The following ARHGAP22 variants were observed in gnomAD, a reference collection of about 807,000 sequenced individuals.
ARHGAP22 encodes the protein rho GTPase-activating protein 22.
A neutral mutation model predicts 59.1 loss-of-function variants in ARHGAP22; 48 were observed. The ratio of observed to expected loss-of-function variants is 0.81; its 90% CI spans 0.64 to 1.03. ARHGAP22 has a LOEUF of 1.03. Among genes scored for constraint, ARHGAP22 ranks in the 50% least tolerant of loss-of-function variants. The pLI is 0.00. For synonymous variants in ARHGAP22, 445 were observed against 416.4 expected (o/e 1.07, Z -0.84); for missense variants, 1,015 against 958.7 (o/e 1.06, Z -0.78).
At chr10:48,508,315 C>G (rs995292228) in intron 3 of ARHGAP22, among the ~76,000 whole-genome samples, 1 of 152,234 alleles carries the variant, frequency 6.6e-6, no homozygotes, top group Admixed American at 6.5e-5. Flanking sequence ...CCAGCTGTTA[C>G]TGGGGACATG....
At chr10:48,522,196 C>T (rs1349615509) in intron 3 of ARHGAP22, among the ~76,000 whole-genome samples, 2 of 152,240 alleles carry the variant, frequency 1.3e-5, no homozygotes, top group African/African-American at 4.8e-5. Context: ...TCCACTCTGG[C>T]ACCACAGCGC....
At chr10:48,643,438 T>C (rs902026137) in intron 1 of ARHGAP22, among the ~76,000 whole-genome samples, 7 of 152,078 alleles carry the variant, frequency 4.6e-5, no homozygotes, top group African/African-American at 1.7e-4. Context: ...AAAGGATGAG[T>C]TCATGTCCTT....
chr10:48,444,466 T>C (rs1364891069), downstream of ARHGAP22: 1 of 152,238 alleles, frequency 6.6e-6, no homozygotes, highest in African/African-American at 2.4e-5. Context: ...GAGATAAGAA[T>C]GCCATTTGCA....
chr10:48,451,747 C>T, intron 8 of ARHGAP22: 1 of 589,518 alleles, frequency 1.7e-6, no homozygotes, highest in East Asian at 2.8e-5. Flanking sequence ...AATGCACCCA[C>T]CCAGCCTCCC....
intron 1 of ARHGAP22, among the ~76,000 whole-genome samples, chr10:48,628,823 T>C (rs2136081297): frequency 6.6e-6 from 1 of 152,182 alleles, no homozygotes; most frequent in South Asian, 2.1e-4. Context: ...CACAGTGACA[T>C]ATCTTGCAGT....
At chr10:48,526,864 G>C (rs2054371756) in intron 3 of ARHGAP22, among the ~76,000 whole-genome samples, 1 of 152,238 alleles carries the variant, frequency 6.6e-6, no homozygotes, top group African/African-American at 2.4e-5. Context: ...CAGTTCAGCA[G>C]ACAAATAGGA....
In ARHGAP22 at chr10:48,566,414, T is replaced by C. The variant is rs538302497; in HGVS notation, c.235-10864A>G. On this transcript the variant is annotated intron_variant, in intron 2 of 9. Transcript: ENST00000249601. ...TCCTTGCTTCCTTATCACACAAGCC[T>C]GTAACCATGCCCCATGACTGTCCAG... Among the ~76,000 whole-genome samples the C allele has an allele frequency of 2.0e-5, 3 of 152,296 alleles. No homozygotes were observed. The East Asian group carries it at 5.8e-4, about 29-fold the overall frequency.
chr10:48,567,845 G>A (rs1376389367), intron 2 of ARHGAP22, among the ~76,000 whole-genome samples: 1 of 152,010 alleles, frequency 6.6e-6, no homozygotes, highest in African/African-American at 2.4e-5. Context: ...CTTCTATTAT[G>A]TTTAGCTGCT....
chr10:48,532,151 G>A (rs2054907630), intron 3 of ARHGAP22, among the ~76,000 whole-genome samples: 1 of 152,296 alleles, frequency 6.6e-6, no homozygotes, highest in South Asian at 2.1e-4. Context: ...ATCTACAGGT[G>A]AGGATATGGA....
At chr10:48,548,661 T>C (rs1291464971) in intron 3 of ARHGAP22, among the ~76,000 whole-genome samples, 1 of 152,198 alleles carries the variant, frequency 6.6e-6, no homozygotes, top group East Asian at 1.9e-4. Context: ...AGGCCTAAAC[T>C]TGGCCTGGGG....
chr10:48,575,891 C>T (rs1475667806), intron 2 of ARHGAP22, among the ~76,000 whole-genome samples: 1 of 152,186 alleles, frequency 6.6e-6, no homozygotes, highest in Non-Finnish European at 1.5e-5. Flanking sequence ...GAACACCAGC[C>T]CCATCTAAGT....
chr10:48,555,485 C>T lies in ARHGAP22; in HGVS notation c.300G>A (p.Lys100=), dbSNP rs765211171. ...TACCTGGGCTGATCTCAAAGAGGTG[C>T]TTCCCTGGGTCCTCGGGGCCAGGAG... ...ELPPGPEDPG[K]HLFEISPGGA... Residue 100 remains lysine (K), a synonymous_variant, in exon 3 of 10, where the codon AAG becomes AAA. Transcript: ENST00000249601. 1.2e-5 allele frequency: 19 copies of T among 1,614,202 alleles called. No homozygotes were observed. Among genetic ancestry groups the T allele is most frequent in the South Asian group, 9.9e-5 (9 of 91,082 alleles).
In ARHGAP22 at chr10:48,455,137, G is replaced by GT; in HGVS notation, c.660-4dup. On this transcript the variant is annotated splice_polypyrimidine_tract_variant and splice_region_variant and intron_variant, in intron 5 of 9. Transcript: ENST00000249601. ...CCACCGTGTGCACGTCTGTTGTGCT[G>GT]TGGGGGGGAAGAGGACAGGTGTGTG... is the stretch of plus-strand genomic sequence containing the variant. The GT allele has an allele frequency of 6.2e-7, 1 of 1,605,348 alleles. No homozygotes were observed. Among genetic ancestry groups the GT allele is most frequent in the Non-Finnish European group, 8.5e-7 (1 of 1,175,028 alleles).
chr10:48,652,267 T>C (rs1262066861), exon 1 of ARHGAP22: 1 of 1,535,604 alleles, frequency 6.5e-7, no homozygotes, highest in African/African-American at 1.4e-5. Flanking sequence ...CTCCTTTTGC[T>C]GGAAGCTGTC....
chr10:48,580,410 C>T (rs914503748), intron 2 of ARHGAP22, among the ~76,000 whole-genome samples: 1 of 152,208 alleles, frequency 6.6e-6, no homozygotes, highest in East Asian at 1.9e-4. Context: ...ATAAGGAATA[C>T]GTGGGGAAGC....
intron 3 of ARHGAP22, among the ~76,000 whole-genome samples, chr10:48,502,102 T>C (rs1396962421): frequency 1.3e-5 from 2 of 152,244 alleles, no homozygotes; most frequent in Non-Finnish European, 2.9e-5. Context: ...ACTTTTAATT[T>C]AGGAAAATGC....
intron 7 of ARHGAP22, 138 bp downstream of exon 7, chr10:48,453,950 C>A: frequency 1.1e-6 from 1 of 879,198 alleles, no homozygotes; most frequent in Admixed American, 1.9e-5. Context: ...GCTTCGTCCA[C>A]GCTGGGTTGA....
intron 3 of ARHGAP22, among the ~76,000 whole-genome samples, chr10:48,530,980 A>C (rs768146871): frequency 4.6e-4 from 70 of 152,374 alleles, no homozygotes; most frequent in Admixed American, 1.8e-3. Context: ...ACGCATGTTT[A>C]TAGCAGCGCA....
chr10:48,548,485 G>A (rs73298275), intron 3 of ARHGAP22, among the ~76,000 whole-genome samples: 2,846 of 152,314 alleles, frequency 0.019, 91 homozygotes, highest in African/African-American at 0.066. Context: ...TCCAGAAGAC[G>A]GATTTTAGCA....
Sources: gnomAD v4.1 joint callset for allele counts (sites outside exome capture counted in the v4.1 genomes callset) on GRCh38, gnomAD v4.1.1 for gene constraint, MANE v1.5 for transcripts, NCBI Gene and HGNC (gene_info 2026-07-23, HGNC 2026-07-21) for gene names.